Variants in DNAJC6 observed in about 807,000 individuals in gnomAD.
The protein encoded by DNAJC6 is DnaJ heat shock protein family (Hsp40) member C6, also known as auxilin.
A neutral mutation model predicts 110.0 loss-of-function variants in DNAJC6; 34 were observed. The observed-to-expected ratio is 0.31, with a 90% CI of 0.24 to 0.41. The LOEUF (loss-of-function observed/expected upper bound fraction) is 0.41, where lower values mean the gene tolerates loss of function less well. Ranked by LOEUF, DNAJC6 falls within the 10% of genes least tolerant of loss-of-function variation. The pLI, the probability that DNAJC6 is intolerant of heterozygous loss-of-function variation, is 1.00. For missense variants in DNAJC6, 1,031 were observed against 1,207.8 expected (o/e 0.85, Z 2.17); for synonymous variants, 406 against 437.2 (o/e 0.93, Z 0.89).
rs71056098 is a variant in DNAJC6 at position 65,311,215 on chromosome 1, GTTTTTT to G, written c.193+1299_193+1304del. On this transcript the variant is annotated intron_variant, in intron 1 of 18. Coordinates refer to ENST00000371069, the MANE Select transcript of DNAJC6 (RefSeq NM_001256864.2). ...CCAAGGGATTGATGGTTTCAGGACT[GTTTTTT>G]TTTTTTTTTTTTTTTTTTTTTGAGG... 4.5e-4 allele frequency among the ~76,000 whole-genome samples: 31 copies of G among 68,888 alleles called. No individual in the cohort carries two copies. The East Asian group carries it at 0.012, about 26-fold the overall frequency. 45.2% of individuals were successfully genotyped at this position (68,888 alleles called of 152,430 possible).
At chr1:65,341,853 T>C (rs1306590936) in intron 1 of DNAJC6, among the ~76,000 whole-genome samples, 2 of 152,112 alleles carry the variant, frequency 1.3e-5, no homozygotes, top group Non-Finnish European at 2.9e-5. Flanking sequence ...CTTGAGCCAC[T>C]GTCATCATCC....
chr1:65,352,753 A>G (rs1223556172), intron 1 of DNAJC6, among the ~76,000 whole-genome samples: 1 of 152,214 alleles, frequency 6.6e-6, no homozygotes, highest in African/African-American at 2.4e-5. Context: ...TTGCAATGGC[A>G]GCTCCAGAAT....
intron 1 of DNAJC6, among the ~76,000 whole-genome samples, chr1:65,330,977 C>A (rs1363657201): frequency 6.6e-6 from 1 of 152,178 alleles, no homozygotes; most frequent in African/African-American, 2.4e-5. Flanking sequence ...TGAGAAACAG[C>A]GTGTAAGTTG....
Position 65,398,869 on chromosome 1 carries a change from C to T in DNAJC6, c.2095C>T (p.His699Tyr). ...QPDVSGGWDWHAKPGGFGMGS... is the reference protein window; with the variant it reads ...QPDVSGGWDWYAKPGGFGMGS... ...AGATGTTTCTGGAGGTTGGGACTGG[C>T]ATGCTAAACCAGGTAAAAGCAGGTT... is the stretch of plus-strand genomic sequence containing the variant. The change falls in exon 14 of 19, where the codon CAT (histidine) becomes TAT (tyrosine). Residue 699 changes from histidine to tyrosine, a missense_variant. Physicochemically the swap from His to Tyr is moderately conservative, Grantham distance 83. Coordinates refer to ENST00000371069, the MANE Select transcript of DNAJC6 (RefSeq NM_001256864.2). The T allele has an allele frequency of 6.2e-7, 1 of 1,614,020 alleles. No homozygotes were observed. The highest frequency in any genetic ancestry group is 8.5e-7 in the Non-Finnish European group (1 of 1,179,960).
intron 8 of DNAJC6, among the ~76,000 whole-genome samples, chr1:65,387,591 T>A (rs536397408): frequency 1.3e-5 from 2 of 152,372 alleles, no homozygotes; most frequent in African/African-American, 4.8e-5. Flanking sequence ...TAGAATGTTT[T>A]TGAAGCTTAT....
chr1:65,366,268 A>G (rs1645645724), intron 4 of DNAJC6, 72 bp downstream of exon 4: 5 of 1,537,060 alleles, frequency 3.3e-6, no homozygotes, highest in Middle Eastern at 1.7e-4. Context: ...AGATACCCTT[A>G]AAGCACGTGC....
chr1:65,359,713 G>C (rs902848736), intron 1 of DNAJC6, among the ~76,000 whole-genome samples: 4 of 152,138 alleles, frequency 2.6e-5, no homozygotes, highest in African/African-American at 7.2e-5. Context: ...CTGATGCAAG[G>C]GTTGGAAAAC....
chr1:65,369,628 T>G (rs1177196152), intron 4 of DNAJC6, among the ~76,000 whole-genome samples: 1 of 152,220 alleles, frequency 6.6e-6, no homozygotes, highest in Non-Finnish European at 1.5e-5. Context: ...TCTGCCCACA[T>G]CATATACCTC....
chr1:65,284,035 T>C (rs1327606651), intron 1 of DNAJC6, among the ~76,000 whole-genome samples: 10 of 152,080 alleles, frequency 6.6e-5, no homozygotes, highest in Non-Finnish European at 1.5e-4. Context: ...CCAGCCTGGG[T>C]CCCGGGGTCC....
In DNAJC6 at chr1:65,410,880, AGG is replaced by A. The variant is rs550007290; in HGVS notation, c.2635-369_2635-368del. 2.6e-3 allele frequency among the ~76,000 whole-genome samples: 393 copies of A among 152,368 alleles called. 1 individual carries two copies. Among genetic ancestry groups the A allele is most frequent in the African/African-American group, 9.0e-3 (376 of 41,584 alleles). On this transcript the variant is annotated intron_variant, in intron 17 of 18. Coordinates refer to ENST00000371069, the MANE Select transcript of DNAJC6 (RefSeq NM_001256864.2). Reference sequence around the variant, plus strand: ...ACATATTATGGTAGAAATATGTTTAAGGTAGAGTGGCCCAGAGAAGTTTGGCC... The same window carrying A: ...ACATATTATGGTAGAAATATGTTTAATAGAGTGGCCCAGAGAAGTTTGGCC...
chr1:65,378,706 C>T (rs758218795), intron 4 of DNAJC6, among the ~76,000 whole-genome samples: 25 of 152,194 alleles, frequency 1.6e-4, no homozygotes, highest in Non-Finnish European at 3.1e-4. Flanking sequence ...ATCTGGGCTG[C>T]AGTGCTGACG....
At chr1:65,406,770 G>A (rs1303873728) in intron 16 of DNAJC6, among the ~76,000 whole-genome samples, 2 of 152,138 alleles carry the variant, frequency 1.3e-5, no homozygotes, top group East Asian at 1.9e-4. Flanking sequence ...TGCATAGGAA[G>A]GATGGTTAGA....
In DNAJC6 at chr1:65,302,274, TATATA is replaced by T. The variant is rs889878164; in HGVS notation, c.-131+37353_-131+37357del. ...ATATAATATTATATATATTATATAT[TATATA>T]ATATAATATATAATATATATAATAT... On this transcript the variant is annotated intron_variant, in intron 1 of 19. Transcript: ENST00000263441. Among the ~76,000 whole-genome samples the T allele has an allele frequency of 5.0e-4, 10 of 19,978 alleles. No homozygotes were observed. The South Asian group carries it at 6.0e-3, about 12-fold the overall frequency. 13.1% of individuals were successfully genotyped at this position (19,978 alleles called of 152,430 possible).
upstream of DNAJC6, among the ~76,000 whole-genome samples, chr1:65,305,767 A>T: frequency 6.6e-6 from 1 of 152,008 alleles, no homozygotes; most frequent in South Asian, 2.1e-4. Context: ...ATGTTATCAT[A>T]GTCATAATGA....
chr1:65,320,617 C>T (rs999600884), intron 1 of DNAJC6, among the ~76,000 whole-genome samples: 6 of 152,180 alleles, frequency 3.9e-5, no homozygotes, highest in South Asian at 2.1e-4. Flanking sequence ...ATAAATGTCT[C>T]CTGGCTGCCT....
intron 1 of DNAJC6, among the ~76,000 whole-genome samples, chr1:65,272,325 C>A (rs1570195818): frequency 6.6e-6 from 1 of 152,294 alleles, no homozygotes; most frequent in East Asian, 1.9e-4. Flanking sequence ...TTATTTTATT[C>A]TGTTAATATG....
intron 5 of DNAJC6, among the ~76,000 whole-genome samples, chr1:65,380,921 G>GTTTTTTTGT (rs1645814331): frequency 1.0e-5 from 1 of 99,356 alleles, no homozygotes. Flanking sequence ...GTTTTGTTTT[G>GTTTTTTTGT]TTTTTTTTTT....
chr1:65,332,818 T>C (rs1645300552), intron 1 of DNAJC6, among the ~76,000 whole-genome samples: 2 of 152,364 alleles, frequency 1.3e-5, no homozygotes. Flanking sequence ...CAGTGGTTTA[T>C]AAAAATATTT....
chr1:65,345,118 A>G (rs1570305964), intron 1 of DNAJC6, among the ~76,000 whole-genome samples: 1 of 25,036 alleles, frequency 4.0e-5, no homozygotes, highest in African/African-American at 5.5e-4. Flanking sequence ...AAGGTATCAT[A>G]GGCCTTCTCT....
Sources: allele counts gnomAD v4.1 joint callset (sites outside exome capture counted in the v4.1 genomes callset), GRCh38; gene constraint gnomAD v4.1.1; transcripts MANE v1.5; gene names NCBI Gene and HGNC (gene_info 2026-07-23, HGNC 2026-07-21).